Variants in C1orf226 observed in about 807,000 individuals in gnomAD.
C1orf226 encodes the protein uncharacterized protein C1orf226.
C1orf226 carries 4 observed loss-of-function variants against 10.5 expected under a neutral mutation model. The ratio of observed to expected loss-of-function variants is 0.38; its 90% CI spans 0.19 to 0.87. The LOEUF (loss-of-function observed/expected upper bound fraction) is 0.87. C1orf226 is among the 40% of genes least tolerant of loss of function. C1orf226 has a pLI of 0.41. For missense variants in C1orf226, 313 were observed against 336.2 expected (o/e 0.93, Z 0.54); for synonymous variants, 125 against 139.3 (o/e 0.90, Z 0.72).
rs1237515154 is a variant in C1orf226 at position 162,383,247 on chromosome 1, C to T, written c.383C>T (p.Pro128Leu). 6 of 1,613,410 alleles carry T rather than the reference C, an allele frequency of 3.7e-6. No homozygotes were observed. Among genetic ancestry groups the T allele is most frequent in the Non-Finnish European group, 4.2e-6 (5 of 1,179,666 alleles). Residue 128 changes from proline (P) to leucine (L), a missense_variant, in exon 2 of 2, where the codon CCT (proline) becomes CTT (leucine). Pro to Leu is a moderately conservative substitution (Grantham distance 98). Transcript: ENST00000458626. The part of the protein sequence containing the change: ...PPPPITRKRT[P>L]RALKTTQDML... The stretch of plus-strand genomic sequence containing the variant: ...CCTCCCATAACCAGAAAGCGAACCC[C>T]TCGGGCCCTGAAGACCACCCAGGAC...
chr1:162,383,160 T>C lies in C1orf226; in HGVS notation c.318-22T>C, dbSNP rs752800466. 6.5e-6 allele frequency: 10 copies of C among 1,535,742 alleles called. No homozygotes were observed. The East Asian group carries it at 1.8e-4, about 28-fold the overall frequency. ...TCTTGCTGTCCTTAAGGCATGTGTG[T>C]TTATTGTCATTAACCTTACAGGTCA... On this transcript the variant is annotated intron_variant, in intron 1 of 1. Coordinates refer to ENST00000458626, the MANE Select transcript of C1orf226 (RefSeq NM_001085375.2).
At chr1:162,381,283 C>T (rs1032530040), upstream of C1orf226, among the ~76,000 whole-genome samples, 4 of 152,304 alleles carry the variant, frequency 2.6e-5, no homozygotes, top group East Asian at 1.9e-4. Flanking sequence ...TCACTGGCAC[C>T]GAGTTCCTAT....
In C1orf226 at chr1:162,384,058, C is replaced by G. The variant is rs1648029144; in HGVS notation, c.*375C>G. 4.9e-6 allele frequency: 1 copy of G among 204,152 alleles called. No individual in the cohort carries two copies. The highest frequency in any genetic ancestry group is 5.5e-5 in the Admixed American group (1 of 18,232). The allele number at this position is 204,152 out of a possible 1,614,324, so 12.6% of individuals were successfully genotyped here. A position where few individuals can be genotyped will look rare whatever the true frequency, so the allele number is the denominator to read the frequency against. ...TCTTACAGGAATTCTTTTTGCCTGT[C>G]CCCTACATGCGCCTCCTCCCCTGCT... On this transcript the variant is annotated 3_prime_UTR_variant, in exon 2 of 2. Transcript: ENST00000458626.
intron 1 of C1orf226, among the ~76,000 whole-genome samples, 154 bp downstream of exon 1, chr1:162,382,372 C>T (rs749708768): frequency 8.4e-6 from 1 of 119,520 alleles, no homozygotes; most frequent in Non-Finnish European, 1.9e-5. Flanking sequence ...GCCACGTTCT[C>T]GGGAGCTGGC....
upstream of C1orf226, among the ~76,000 whole-genome samples, chr1:162,379,428 A>G (rs80311563): frequency 0.047 from 7,172 of 152,152 alleles, 301 homozygotes; most frequent in East Asian, 0.17. Context: ...CAGTTTCCCT[A>G]CAATGTCAGT....
chr1:162,379,078 C>G (rs151089504), upstream of C1orf226: 450 of 1,290,634 alleles, frequency 3.5e-4, 4 homozygotes, highest in East Asian at 0.011. Flanking sequence ...CCCAGATGCC[C>G]TCCTCTGCTT....
chr1:162,381,679 T>C (rs1647911642), upstream of C1orf226: 1 of 1,395,352 alleles, frequency 7.2e-7, no homozygotes, highest in Middle Eastern at 2.6e-4. Context: ...CTGATTAACT[T>C]GGGTGGGGCA....
upstream of C1orf226, among the ~76,000 whole-genome samples, chr1:162,379,262 T>TC (rs1288729100): frequency 3.3e-5 from 5 of 151,822 alleles, no homozygotes; most frequent in African/African-American, 1.2e-4. Context: ...CCATTGCACA[T>TC]CCTCAGACAT....
chr1:162,384,383 A>G lies in C1orf226; in HGVS notation c.*700A>G, dbSNP rs1648039414. 2 of 151,852 alleles carry G rather than the reference A, an allele frequency of 1.3e-5. No individual in the cohort carries two copies. The allele number at this position is 151,852 out of a possible 1,614,324, so 9.4% of individuals were successfully genotyped here. ...TGAACGCTGCCACCCAGGGTTCCCA[A>G]GGTTTCTCCCATCTGGTCAGATGTC... is the stretch of plus-strand genomic sequence containing the variant. On this transcript the variant is annotated 3_prime_UTR_variant, in exon 2 of 2. Transcript: ENST00000458626.
At chr1:162,381,637 C>T, upstream of C1orf226, 2 of 1,282,850 alleles carry the variant, frequency 1.6e-6, no homozygotes, top group Non-Finnish European at 2.0e-6. Context: ...TTTACAGGAA[C>T]AACTTTATTT....
rs1357439460 is a variant in C1orf226, at chr1:162,382,022, C to T, written c.121C>T (p.Pro41Ser). 6.2e-7 allele frequency: 1 copy of T among 1,612,044 alleles called. No individual in the cohort carries two copies. The highest frequency in any genetic ancestry group is 1.1e-5 in the South Asian group (1 of 90,924). ...APLGSGEPGG[P>S]GLWVGSSQHL... ...TCTGGGCTCTGGTGAGCCTGGGGGG[C>T]CAGGACTCTGGGTGGGCAGCAGCCA... The change falls in exon 1 of 2, where the codon CCA becomes TCA. Residue 41 changes from proline (P) to serine (S), a missense_variant. Coordinates refer to ENST00000458626, the MANE Select transcript of C1orf226 (RefSeq NM_001085375.2).
upstream of C1orf226, chr1:162,381,658 A>G: frequency 3.0e-6 from 4 of 1,348,978 alleles, no homozygotes; most frequent in Non-Finnish European, 3.8e-6. Context: ...TTTTATGGCT[A>G]GCATTAGTCA....
Position 162,384,551 on chromosome 1 carries a change from G to A in C1orf226, c.*868G>A, listed in dbSNP as rs1648046153. On this transcript the variant is annotated 3_prime_UTR_variant, in exon 2 of 2. Transcript: ENST00000458626. The stretch of plus-strand genomic sequence containing the variant: ...TTGTGGGGAGGGCCCAGGAACTTGG[G>A]GGTGGTCTTGGCATTCAGAGCTGGT... 1 of 153,022 alleles carries A rather than the reference G, an allele frequency of 6.5e-6. No individual in the cohort carries two copies. The highest frequency in any genetic ancestry group is 2.4e-5 in the African/African-American group (1 of 41,432). 9.5% of individuals were successfully genotyped at this position (153,022 alleles called of 1,614,324 possible). A position where few individuals can be genotyped will look rare whatever the true frequency, so the allele number is the denominator to read the frequency against.
In C1orf226 at chr1:162,384,410, AACAC is replaced by A. The variant is rs67124370; in HGVS notation, c.*729_*732del. 0.22 allele frequency: 34,095 copies of A among 152,262 alleles called. 4,338 individuals carry two copies. Among genetic ancestry groups the A allele is most frequent in the South Asian group, 0.34 (1,615 of 4,804 alleles). The allele number at this position is 152,262 out of a possible 1,614,324, so 9.4% of individuals were successfully genotyped here. ...GTTTCTCCCATCTGGTCAGATGTCG[AACAC>A]AAAATGTGGGCATTCTGCACGGAAG... On this transcript the variant is annotated 3_prime_UTR_variant, in exon 2 of 2. Coordinates refer to ENST00000458626, the MANE Select transcript of C1orf226 (RefSeq NM_001085375.2).
In C1orf226 at chr1:162,383,939, G is replaced by A; in HGVS notation, c.*256G>A. ...CCTAATTTTCTGTAACCTCCTCTGA[G>A]TGGGCTGCAGCCCTTGGACATTAGA... On this transcript the variant is annotated 3_prime_UTR_variant, in exon 2 of 2. Coordinates refer to ENST00000458626, the MANE Select transcript of C1orf226 (RefSeq NM_001085375.2). 1 of 497,564 alleles carries A rather than the reference G, an allele frequency of 2.0e-6. No individual in the cohort carries two copies. The highest frequency in any genetic ancestry group is 3.6e-6 in the Non-Finnish European group (1 of 281,080). 30.8% of individuals were successfully genotyped at this position (497,564 alleles called of 1,614,324 possible).
chr1:162,381,580 G>A, upstream of C1orf226: 3 of 538,060 alleles, frequency 5.6e-6, no homozygotes, highest in Non-Finnish European at 8.3e-6. Flanking sequence ...CAAAGGGCGT[G>A]GTGACTCCAA....
Position 162,383,156 on chromosome 1 carries a change from TGTGTTTATTGTCATTAAC to T in C1orf226, c.318-25_318-8del, listed in dbSNP as rs754409175. Reference sequence around the variant, plus strand: ...GGTGTCTTGCTGTCCTTAAGGCATGTGTGTTTATTGTCATTAACCTTACAGGTCAGTCCTGCAAGAAAC... The same window carrying T: ...GGTGTCTTGCTGTCCTTAAGGCATGTCTTACAGGTCAGTCCTGCAAGAAAC... On this transcript the variant is annotated splice_polypyrimidine_tract_variant and splice_region_variant and intron_variant, in intron 1 of 1. Transcript: ENST00000458626. The T allele has an allele frequency of 6.5e-7, 1 of 1,529,320 alleles. No individual in the cohort carries two copies. The highest frequency in any genetic ancestry group is 2.3e-5 in the East Asian group (1 of 44,056). The allele number at this position is 1,529,320 out of a possible 1,614,324, so 94.7% of individuals were successfully genotyped here.
At position 162,383,916 on chromosome 1, in the gene C1orf226, T is replaced by A. The variant is rs1047814138; in HGVS notation, c.*233T>A. The A allele has an allele frequency of 1.5e-5, 8 of 534,830 alleles. No homozygotes were observed. Among genetic ancestry groups the A allele is most frequent in the Non-Finnish European group, 2.3e-5 (7 of 304,662 alleles). 33.1% of individuals were successfully genotyped at this position (534,830 alleles called of 1,614,324 possible). A position where few individuals can be genotyped will look rare whatever the true frequency, so the allele number is the denominator to read the frequency against. On this transcript the variant is annotated 3_prime_UTR_variant, in exon 2 of 2. Coordinates refer to ENST00000458626, the MANE Select transcript of C1orf226 (RefSeq NM_001085375.2). The stretch of plus-strand genomic sequence containing the variant: ...GAAGGACTTGATGCCGTTTTGAGCC[T>A]AATTTTCTGTAACCTCCTCTGAGTG...
intron 1 of C1orf226, among the ~76,000 whole-genome samples, 189 bp downstream of exon 1, chr1:162,382,407 A>T (rs1647946939): frequency 6.6e-6 from 1 of 152,114 alleles, no homozygotes; most frequent in South Asian, 2.1e-4. Flanking sequence ...CCACAGCTGA[A>T]GGTTGCTGAG....
Sources: allele counts gnomAD v4.1 joint callset (sites outside exome capture counted in the v4.1 genomes callset), GRCh38; gene constraint gnomAD v4.1.1; transcripts MANE v1.5; gene names NCBI Gene and HGNC (gene_info 2026-07-23, HGNC 2026-07-21).